Variants in NSMCE2 observed in about 807,000 individuals in gnomAD.
NSMCE2 encodes E3 SUMO-protein ligase NSE2.
In NSMCE2, 24 loss-of-function variants were observed where a neutral mutation model predicts 23.8. The ratio of observed to expected loss-of-function variants is 1.01; its 90% confidence interval spans 0.73 to 1.42. The LOEUF (loss-of-function observed/expected upper bound fraction) is 1.42, where lower values mean the gene tolerates loss of function less well. Among genes scored for constraint, NSMCE2 ranks in the 40% most tolerant of loss-of-function variants. The probability of loss-of-function intolerance (pLI) is 0.00; values close to 1 mark genes in which losing one functional copy is unlikely to be tolerated. For missense variants in NSMCE2, 284 were observed against 296.5 expected (o/e 0.96, Z 0.31); for synonymous variants, 92 against 94.1 (o/e 0.98, Z 0.13).
At chr8:125,267,762 C>T (rs1042838432) in intron 5 of NSMCE2, among the ~76,000 whole-genome samples, 1 of 151,964 alleles carries the variant, frequency 6.6e-6, no homozygotes, top group Non-Finnish European at 1.5e-5. Context: ...GGGTGAAGAG[C>T]GAGACTCTGT....
intron 3 of NSMCE2, among the ~76,000 whole-genome samples, chr8:125,114,654 C>A (rs1818910009): frequency 6.6e-6 from 1 of 152,178 alleles, no homozygotes; most frequent in East Asian, 1.9e-4. Context: ...TGTTCAGATG[C>A]TGCTAAACAG....
intron 5 of NSMCE2, among the ~76,000 whole-genome samples, chr8:125,220,365 A>T (rs962207461): frequency 5.3e-5 from 8 of 151,610 alleles, no homozygotes; most frequent in African/African-American, 1.9e-4. Flanking sequence ...GAACATGATT[A>T]AAAAAAAATT....
intron 5 of NSMCE2, among the ~76,000 whole-genome samples, chr8:125,200,938 C>A (rs1030305371): frequency 1.3e-5 from 2 of 152,160 alleles, no homozygotes; most frequent in African/African-American, 4.8e-5. Context: ...TCACTGATAT[C>A]ATTTCTTCCA....
chr8:125,348,709 T>C (rs1477160245), intron 5 of NSMCE2: 3 of 151,764 alleles, frequency 2.0e-5, no homozygotes, highest in Non-Finnish European at 4.4e-5. Flanking sequence ...CCTGCCGCCA[T>C]GTAAGACGTC....
At chr8:125,121,941 A>G (rs80007251) in intron 3 of NSMCE2, among the ~76,000 whole-genome samples, 2 of 152,232 alleles carry the variant, frequency 1.3e-5, no homozygotes, top group East Asian at 3.9e-4. Flanking sequence ...TTTACTCCTT[A>G]CATATTCTCA....
At chr8:125,202,467 G>A (rs1281407690) in intron 5 of NSMCE2, among the ~76,000 whole-genome samples, 1 of 152,192 alleles carries the variant, frequency 6.6e-6, no homozygotes, top group East Asian at 1.9e-4. Context: ...TCTGAAATGA[G>A]AAAATGTAAG....
chr8:125,097,592 A>G lies in NSMCE2; in HGVS notation c.-110-4459A>G, dbSNP rs543218223. Among the ~76,000 whole-genome samples, 5 of 152,256 alleles carry G rather than the reference A, an allele frequency of 3.3e-5. No homozygotes were observed. The East Asian group carries it at 9.7e-4, about 29-fold the overall frequency. On this transcript the variant is annotated intron_variant, in intron 1 of 7. Coordinates refer to ENST00000287437, the MANE Select transcript of NSMCE2 (RefSeq NM_173685.4). ...AAGTGCCTTCATTTCCGTGAAGCCT[A>G]TGTCTCCCCTGTTGTGCCTATAATC...
At position 125,138,100 on chromosome 8, in the gene NSMCE2, G is replaced by T. The variant is rs77428913; in HGVS notation, c.158-13071G>T. On this transcript the variant is annotated intron_variant, in intron 3 of 7. Coordinates refer to ENST00000287437, the MANE Select transcript of NSMCE2 (RefSeq NM_173685.4). ...CCTCCTGAATGAAATAAAATGTCAG[G>T]TTTCAAATTCATGAAATCTGATAGT... is the stretch of plus-strand genomic sequence containing the variant. Among the ~76,000 whole-genome samples, 43 of 152,272 alleles carry T rather than the reference G, an allele frequency of 2.8e-4. 1 individual carries two copies. The East Asian group carries it at 8.3e-3, about 29-fold the overall frequency.
chr8:125,218,475 G>A (rs1046717914), intron 5 of NSMCE2, among the ~76,000 whole-genome samples: 2 of 150,200 alleles, frequency 1.3e-5, no homozygotes, highest in African/African-American at 2.5e-5. Flanking sequence ...GCAGTGGCAC[G>A]ATCTTGGCTC....
intron 5 of NSMCE2, chr8:125,351,564 A>G (rs957452955): frequency 2.0e-5 from 3 of 152,164 alleles, no homozygotes; most frequent in African/African-American, 4.8e-5. Context: ...AACATCGTCT[A>G]TGTATATAGA....
chr8:125,319,485 G>A (rs1829339549), intron 5 of NSMCE2, among the ~76,000 whole-genome samples: 2 of 152,174 alleles, frequency 1.3e-5, no homozygotes, highest in African/African-American at 4.8e-5. Flanking sequence ...AAAACTATAA[G>A]AAAGATTGCC....
intron 5 of NSMCE2, among the ~76,000 whole-genome samples, chr8:125,301,090 G>A (rs554717992): frequency 4.3e-4 from 65 of 152,288 alleles, no homozygotes; most frequent in African/African-American, 1.5e-3. Flanking sequence ...AAAACTTTGA[G>A]CCATGCCTTT....
At chr8:125,165,354 G>A (rs1037199100) in intron 4 of NSMCE2, among the ~76,000 whole-genome samples, 1 of 152,188 alleles carries the variant, frequency 6.6e-6, no homozygotes, top group African/African-American at 2.4e-5. Flanking sequence ...CAATATGAAA[G>A]CTGGTTTAAA....
chr8:125,305,454 G>A (rs540603337), intron 5 of NSMCE2, among the ~76,000 whole-genome samples: 2 of 152,310 alleles, frequency 1.3e-5, no homozygotes, highest in East Asian at 3.9e-4. Flanking sequence ...AGGGACAAGA[G>A]GCTGAAGAGA....
At chr8:125,094,598 G>A (rs1384251361) in intron 1 of NSMCE2, 1 of 152,210 alleles carries the variant, frequency 6.6e-6, no homozygotes, top group Non-Finnish European at 1.5e-5. Context: ...ATTTATACTG[G>A]ATTGCATTAA....
chr8:125,204,888 C>G (rs1323215550), intron 5 of NSMCE2, among the ~76,000 whole-genome samples: 1 of 152,190 alleles, frequency 6.6e-6, no homozygotes, highest in African/African-American at 2.4e-5. Flanking sequence ...CCAGTTTCTA[C>G]CAGAATGATC....
intron 5 of NSMCE2, among the ~76,000 whole-genome samples, chr8:125,191,289 T>C (rs1823332313): frequency 1.3e-5 from 2 of 152,216 alleles, no homozygotes; most frequent in African/African-American, 4.8e-5. Context: ...ATGCTGAAAT[T>C]CATACCCAGG....
chr8:125,311,547 A>G (rs553962938), intron 5 of NSMCE2, among the ~76,000 whole-genome samples: 2 of 152,338 alleles, frequency 1.3e-5, no homozygotes, highest in African/African-American at 2.4e-5. Context: ...TATTCGTGGT[A>G]TGTTGTGCAA....
At chr8:125,115,867 A>G (rs972730387) in intron 3 of NSMCE2, among the ~76,000 whole-genome samples, 3 of 152,242 alleles carry the variant, frequency 2.0e-5, no homozygotes, top group Non-Finnish European at 2.9e-5. Context: ...GTCATAGCCT[A>G]CAATAGGCAA....
Sources: gnomAD v4.1 joint callset for allele counts (sites outside exome capture counted in the v4.1 genomes callset) on GRCh38, gnomAD v4.1.1 for gene constraint, MANE v1.5 for transcripts, NCBI Gene and HGNC (gene_info 2026-07-23, HGNC 2026-07-21) for gene names.